The following DTNB variants were observed in gnomAD, a reference collection of about 807,000 sequenced individuals.
The protein encoded by DTNB is dystrobrevin beta.
In DTNB, 63 loss-of-function variants were observed where a neutral mutation model predicts 90.7. The observed-to-expected ratio is 0.69, with a 90% CI of 0.57 to 0.86. The LOEUF (loss-of-function observed/expected upper bound fraction) is 0.86. Among genes scored for constraint, DTNB ranks in the 40% least tolerant of loss-of-function variants. The pLI is 0.00. For missense variants in DTNB, 744 were observed against 807.1 expected, an observed-to-expected ratio of 0.92 and a Z score of 0.95; for synonymous variants, 277 against 286.7, an observed-to-expected ratio of 0.97 and a Z score of 0.34.
At chr2:25,615,569 A>T (rs1358228039) in intron 4 of DTNB, among the ~76,000 whole-genome samples, 2 of 152,162 alleles carry the variant, frequency 1.3e-5, no homozygotes, top group African/African-American at 2.4e-5. Context: ...TCCAAATACT[A>T]GAACAAAAGA....
chr2:25,384,369 A>G (rs2038854246), intron 18 of DTNB, among the ~76,000 whole-genome samples: 1 of 152,070 alleles, frequency 6.6e-6, no homozygotes, highest in Non-Finnish European at 1.5e-5. Flanking sequence ...CAAAGTGGCT[A>G]TGTGGGAAGT....
intron 10 of DTNB, among the ~76,000 whole-genome samples, chr2:25,463,167 A>G (rs1017498997): frequency 5.3e-5 from 8 of 152,238 alleles, no homozygotes; most frequent in African/African-American, 1.9e-4. Context: ...CTCAAAATAG[A>G]ACTCTTGATT....
At chr2:25,618,704 A>C (rs971413042) in intron 4 of DTNB, among the ~76,000 whole-genome samples, 3 of 152,212 alleles carry the variant, frequency 2.0e-5, no homozygotes, top group African/African-American at 7.2e-5. Flanking sequence ...TGAGATGATA[A>C]GACAGAAGAA....
intron 12 of DTNB, among the ~76,000 whole-genome samples, chr2:25,435,219 C>G (rs865794190): frequency 1.2e-4 from 19 of 152,174 alleles, no homozygotes; most frequent in African/African-American, 4.3e-4. Context: ...CAGGGTTTCA[C>G]CATATTGGCG....
chr2:25,530,381 G>A (rs1472186570), intron 9 of DTNB, among the ~76,000 whole-genome samples: 1 of 150,012 alleles, frequency 6.7e-6, no homozygotes, highest in African/African-American at 2.5e-5. Flanking sequence ...AGGCTGCAGT[G>A]AGCCGAGATC....
intron 8 of DTNB, among the ~76,000 whole-genome samples, chr2:25,554,636 G>A (rs1476997654): frequency 1.3e-5 from 2 of 152,088 alleles, no homozygotes; most frequent in Non-Finnish European, 2.9e-5. Context: ...AGCTGTGTTT[G>A]GAAAAGTAGA....
intron 8 of DTNB, among the ~76,000 whole-genome samples, chr2:25,573,943 C>T (rs375479296): frequency 9.2e-5 from 14 of 152,270 alleles, no homozygotes; most frequent in Admixed American, 2.6e-4. Flanking sequence ...AGTTACCTTT[C>T]GCTTAATGGT....
intron 9 of DTNB, among the ~76,000 whole-genome samples, chr2:25,528,990 ATC>A (rs1484685789): frequency 6.6e-6 from 1 of 152,232 alleles, no homozygotes; most frequent in Non-Finnish European, 1.5e-5. Flanking sequence ...GATTCAGTGA[ATC>A]TCTGATCAAA....
chr2:25,408,178 G>C (rs1361441547), intron 16 of DTNB, among the ~76,000 whole-genome samples: 2 of 152,066 alleles, frequency 1.3e-5, no homozygotes, highest in Non-Finnish European at 2.9e-5. Context: ...GTGTAGTGGT[G>C]CATGCCTGTA....
chr2:25,429,495 G>A (rs544667708), intron 14 of DTNB, among the ~76,000 whole-genome samples: 76 of 152,156 alleles, frequency 5.0e-4, no homozygotes, highest in Middle Eastern at 3.4e-3. Flanking sequence ...TATTCATTCC[G>A]TAATGTCTGA....
intron 9 of DTNB, among the ~76,000 whole-genome samples, chr2:25,484,024 T>C (rs1296901397): frequency 6.6e-6 from 1 of 152,174 alleles, no homozygotes; most frequent in Non-Finnish European, 1.5e-5. Flanking sequence ...ATACATAGAG[T>C]GTACTTACAC....
chr2:25,468,163 G>A (rs1169768374), intron 10 of DTNB, among the ~76,000 whole-genome samples: 1 of 152,184 alleles, frequency 6.6e-6, no homozygotes, highest in Non-Finnish European at 1.5e-5. Context: ...TGATTCCAAA[G>A]TGGCTCTCGA....
chr2:25,593,734 C>T (rs2064011663), intron 6 of DTNB, among the ~76,000 whole-genome samples: 1 of 152,172 alleles, frequency 6.6e-6, no homozygotes, highest in African/African-American at 2.4e-5. Context: ...TTAAAAATTT[C>T]TTCAACATTT....
chr2:25,652,731 T>C lies in DTNB; in HGVS notation c.-1-70A>G, dbSNP rs568833752. The C allele has an allele frequency of 1.3e-5, 20 of 1,512,896 alleles. No homozygotes were observed. The East Asian group carries it at 1.6e-4, about 12-fold the overall frequency. The allele number at this position is 1,512,896 out of a possible 1,614,324, so 93.7% of individuals were successfully genotyped here. A position where few individuals can be genotyped will look rare whatever the true frequency, so the allele number is the denominator to read the frequency against. ...ATTCAATCAAGTGCTAATCATTCTA[T>C]TGTGAAGAGGGACCGGAAACCAAGT... On this transcript the variant is annotated intron_variant, in intron 1 of 20. Transcript: ENST00000406818.
intron 8 of DTNB, among the ~76,000 whole-genome samples, chr2:25,539,559 AG>A (rs1302960577): frequency 6.9e-6 from 1 of 144,788 alleles, no homozygotes; most frequent in Non-Finnish European, 1.5e-5. Flanking sequence ...TCTTTGTCAT[AG>A]GGTTGCACTG....
intron 8 of DTNB, among the ~76,000 whole-genome samples, chr2:25,574,973 A>C (rs376830208): frequency 1.2e-3 from 180 of 152,318 alleles, no homozygotes; most frequent in African/African-American, 3.9e-3. Flanking sequence ...TCAATGAAAA[A>C]ATTCAAGAGT....
intron 9 of DTNB, among the ~76,000 whole-genome samples, chr2:25,492,240 C>T (rs138984356): frequency 2.6e-5 from 4 of 152,148 alleles, no homozygotes; most frequent in South Asian, 2.1e-4. Context: ...GCTCTCTGAA[C>T]GTAAACCATC....
chr2:25,629,826 G>C (rs894839888), intron 3 of DTNB, among the ~76,000 whole-genome samples: 1 of 152,166 alleles, frequency 6.6e-6, no homozygotes, highest in African/African-American at 2.4e-5. Context: ...AAGACTGAAA[G>C]CTCTCCCCTC....
chr2:25,644,717 C>A (rs2079068818), intron 2 of DTNB, among the ~76,000 whole-genome samples: 1 of 152,148 alleles, frequency 6.6e-6, no homozygotes, highest in Non-Finnish European at 1.5e-5. Context: ...CGAGATTGTG[C>A]CACTGCACTC....
Sources: allele counts gnomAD v4.1 joint callset (sites outside exome capture counted in the v4.1 genomes callset), GRCh38; gene constraint gnomAD v4.1.1; transcripts MANE v1.5; gene names NCBI Gene and HGNC (gene_info 2026-07-23, HGNC 2026-07-21).